Variants in ZNF106 observed in about 807,000 individuals in gnomAD.
ZNF106 encodes the protein SH3-domain binding protein 3.
A neutral mutation model predicts 195.1 loss-of-function variants in ZNF106; 67 were observed. That is an observed-to-expected ratio of 0.34 (90% CI 0.28 to 0.42). ZNF106 has a LOEUF of 0.42. ZNF106 is among the 10% of genes least tolerant of loss of function. The probability of loss-of-function intolerance (pLI) is 1.00; values close to 1 mark genes in which losing one functional copy is unlikely to be tolerated. For synonymous variants in ZNF106, 784 were observed against 818.6 expected (o/e 0.96, Z 0.72); for missense variants, 2,118 against 2,304.5 (o/e 0.92, Z 1.66).
intron 14 of ZNF106, among the ~76,000 whole-genome samples, chr15:42,429,873 C>T (rs1192705558): frequency 1.3e-5 from 2 of 151,902 alleles, no homozygotes; most frequent in Non-Finnish European, 1.5e-5. Context: ...TAAAGCTAGA[C>T]ATAAAAGAAC....
At chr15:42,452,698 T>C (rs2056082345) in intron 4 of ZNF106, among the ~76,000 whole-genome samples, 1 of 145,656 alleles carries the variant, frequency 6.9e-6, no homozygotes, top group Non-Finnish European at 1.5e-5. Context: ...TTTTTTTTTT[T>C]TTTTTGAGAC....
intron 14 of ZNF106, among the ~76,000 whole-genome samples, chr15:42,432,075 T>C (rs1174361865): frequency 6.6e-6 from 1 of 152,228 alleles, no homozygotes; most frequent in Non-Finnish European, 1.5e-5. Flanking sequence ...TGTTATTAGG[T>C]ACCTGTACTT....
chr15:42,417,484 G>GC, intron 21 of ZNF106, 124 bp from the exon 22 acceptor site: 1 of 1,139,540 alleles, frequency 8.8e-7, no homozygotes, highest in Non-Finnish European at 1.3e-6. Context: ...GCAGTTAGGA[G>GC]CCAGCACTTT....
chr15:42,419,775 C>A (rs1003963733), intron 20 of ZNF106, among the ~76,000 whole-genome samples: 11 of 152,180 alleles, frequency 7.2e-5, no homozygotes, highest in Admixed American at 3.3e-4. Context: ...CATGGTGAAA[C>A]CCTGTCTCTA....
rs754373830 is a variant in ZNF106 at position 42,450,218 on chromosome 15, G to C, written c.2054C>G (p.Pro685Arg). The change falls in exon 5 of 22, where the codon CCA becomes CGA. Residue 685 changes from proline to arginine, a missense_variant. Physicochemically the swap from Pro to Arg is moderately radical, Grantham distance 103 (BLOSUM62 -2). Transcript: ENST00000564754. ...CAAGTCTAGCAATAAGCCAGGGTGTGGACTGGCTGCAGATGTCATTTGTAA... is the reference window on the plus strand; with the variant it reads ...CAAGTCTAGCAATAAGCCAGGGTGTCGACTGGCTGCAGATGTCATTTGTAA... ...SELQMTSAAS[P>R]HPGLLLDLKT... is the part of the protein sequence containing the mutation. The C allele has an allele frequency of 6.2e-7, 1 of 1,614,150 alleles. No homozygotes were observed. The highest frequency in any genetic ancestry group is 8.5e-7 in the Non-Finnish European group (1 of 1,180,026).
At chr15:42,435,232 A>T (rs2141301316) in intron 14 of ZNF106, 152 bp downstream of exon 14, 1 of 1,057,588 alleles carries the variant, frequency 9.5e-7, no homozygotes, top group Non-Finnish European at 1.4e-6. Flanking sequence ...TCTCATATCT[A>T]CCTAGGGCTA....
At position 42,480,723 on chromosome 15, in the gene ZNF106, G is replaced by A. The variant is rs183744726; in HGVS notation, c.-32-8402C>T. ...CCACTGGCCGGGCTTGGTGGCTCAC[G>A]CCTGAAATCCTAGCACTTTGGGAGG... is the stretch of plus-strand genomic sequence containing the variant. On this transcript the variant is annotated intron_variant, in intron 1 of 21. Transcript: ENST00000564754. Among the ~76,000 whole-genome samples, 428 of 152,172 alleles carry A rather than the reference G, an allele frequency of 2.8e-3. 1 individual carries two copies. Among genetic ancestry groups the A allele is most frequent in the Middle Eastern group, 0.01 (3 of 294 alleles).
intron 3 of ZNF106, 139 bp from the exon 4 acceptor site, chr15:42,457,297 C>G (rs1297550773): frequency 1.3e-6 from 2 of 1,518,766 alleles, no homozygotes; most frequent in Non-Finnish European, 1.8e-6. Flanking sequence ...TTCAATGCTC[C>G]TTTCATCACT....
chr15:42,442,003 A>G (rs1009169361), intron 10 of ZNF106, 70 bp downstream of exon 10: 5 of 1,258,624 alleles, frequency 4.0e-6, no homozygotes, highest in African/African-American at 3.0e-5. Context: ...AGTATGGCTT[A>G]TATCACTCAT....
chr15:42,443,373 T>C (rs999036292), intron 9 of ZNF106, among the ~76,000 whole-genome samples: 3 of 152,178 alleles, frequency 2.0e-5, no homozygotes, highest in Admixed American at 6.5e-5. Flanking sequence ...GGTTCAGGCC[T>C]GTAATCCCAA....
chr15:42,479,645 C>A (rs868353325), intron 1 of ZNF106, among the ~76,000 whole-genome samples: 2 of 151,916 alleles, frequency 1.3e-5, no homozygotes, highest in Admixed American at 6.6e-5. Context: ...AGTTTGAGAC[C>A]AGCATGGCCA....
chr15:42,479,070 T>G (rs1269524139), intron 1 of ZNF106, among the ~76,000 whole-genome samples: 2 of 152,206 alleles, frequency 1.3e-5, no homozygotes, highest in African/African-American at 4.8e-5. Context: ...ACATCTTGGT[T>G]TCTAATTTAA....
At chr15:42,466,551 G>C (rs897471457) in intron 2 of ZNF106, among the ~76,000 whole-genome samples, 1 of 151,998 alleles carries the variant, frequency 6.6e-6, no homozygotes, top group Non-Finnish European at 1.5e-5. Context: ...CCATGTCTTG[G>C]ACAGGGCCTA....
intron 4 of ZNF106, among the ~76,000 whole-genome samples, chr15:42,454,291 G>C (rs1305336322): frequency 6.6e-6 from 1 of 152,086 alleles, no homozygotes; most frequent in Non-Finnish European, 1.5e-5. Flanking sequence ...AAAGTAACAA[G>C]TATTATTACA....
At chr15:42,485,543 C>A (rs567065175) in intron 1 of ZNF106, among the ~76,000 whole-genome samples, 1 of 152,076 alleles carries the variant, frequency 6.6e-6, no homozygotes, top group African/African-American at 2.4e-5. Context: ...GATAGGTGAA[C>A]AGGGTGTCTA....
chr15:42,438,996 G>C, intron 11 of ZNF106, 37 bp downstream of exon 11: 4 of 1,543,366 alleles, frequency 2.6e-6, no homozygotes, highest in African/African-American at 2.8e-5. Context: ...TAAAGTTGGT[G>C]AAAGTTGTTC....
chr15:42,440,998 A>AAAAATATAT (rs1567009198), intron 10 of ZNF106, among the ~76,000 whole-genome samples: 1 of 23,582 alleles, frequency 4.2e-5, no homozygotes, highest in African/African-American at 2.5e-4. Flanking sequence ...AAAAAAAAAA[A>AAAAATATAT]ATATATATAT....
At position 42,466,050 on chromosome 15, in the gene ZNF106, T is replaced by C. The variant is rs2056509231; in HGVS notation, c.116+3A>G. 1 of 1,533,936 alleles carries C rather than the reference T, an allele frequency of 6.5e-7. No homozygotes were observed. Among genetic ancestry groups the C allele is most frequent in the South Asian group, 1.2e-5 (1 of 83,638 alleles). Reference sequence around the variant, plus strand: ...AACTTATGGAAGAGAGCCGTTCCCATACCTGCCCTTGAGGTTCTCAAGTTC... The same window carrying C: ...AACTTATGGAAGAGAGCCGTTCCCACACCTGCCCTTGAGGTTCTCAAGTTC... On this transcript the variant is annotated splice_donor_region_variant and intron_variant, in intron 3 of 21. Coordinates refer to ENST00000564754, the MANE Select transcript of ZNF106 (RefSeq NM_001366845.3).
chr15:42,446,049 G>T (rs1027452044), intron 7 of ZNF106, among the ~76,000 whole-genome samples: 4 of 152,162 alleles, frequency 2.6e-5, no homozygotes, highest in Non-Finnish European at 5.9e-5. Flanking sequence ...CACTGAAAAG[G>T]CTCAAGGAAA....
Sources: gnomAD v4.1 joint callset for allele counts (sites outside exome capture counted in the v4.1 genomes callset) on GRCh38, gnomAD v4.1.1 for gene constraint, MANE v1.5 for transcripts, NCBI Gene and HGNC (gene_info 2026-07-23, HGNC 2026-07-21) for gene names.